Variants in NUP107 observed in about 807,000 individuals in gnomAD.
NUP107 encodes the protein nuclear pore complex protein Nup107.
Under a neutral mutation model 141.0 loss-of-function variants are expected in NUP107, and 101 were observed. The observed-to-expected ratio is 0.72, with a 90% CI of 0.61 to 0.84. The LOEUF is 0.84. Ranked by LOEUF, NUP107 falls within the 40% of genes least tolerant of loss-of-function variation. The probability of loss-of-function intolerance (pLI) is 0.00; values close to 1 mark genes in which losing one functional copy is unlikely to be tolerated. For missense variants in NUP107, 941 were observed against 1,102.7 expected, an observed-to-expected ratio of 0.85 and a Z score of 2.08; for synonymous variants, 319 against 363.9, an observed-to-expected ratio of 0.88 and a Z score of 1.41.
chr12:68,689,652 TAAC>T (rs1218242539), intron 3 of NUP107, 33 bp downstream of exon 3: 5 of 1,298,370 alleles, frequency 3.9e-6, no homozygotes, highest in Non-Finnish European at 5.5e-6. Context: ...CATTTAATAA[TAAC>T]GGTAATTATA....
chr12:68,706,576 G>T, intron 8 of NUP107: 1 of 681,670 alleles, frequency 1.5e-6, no homozygotes, highest in Non-Finnish European at 2.7e-6. Context: ...AACATCAGTC[G>T]GCTCCAGGAT....
At chr12:68,694,850 G>T (rs1875975763) in intron 5 of NUP107, among the ~76,000 whole-genome samples, 2 of 152,156 alleles carry the variant, frequency 1.3e-5, no homozygotes, top group Non-Finnish European at 2.9e-5. Flanking sequence ...GCGGTGAGCT[G>T]AGATCATGCC....
At chr12:68,689,848 G>C in intron 3 of NUP107, 1 of 450,110 alleles carries the variant, frequency 2.2e-6, no homozygotes. Flanking sequence ...TACCAAAACT[G>C]AAAGTGAGAC....
rs1318162181 is a variant in NUP107 at position 68,689,022 on chromosome 12, A to G, written c.69A>G (p.Ala23=). The change falls in exon 2 of 28, where the codon GCA becomes GCG. Residue 23 remains alanine (A), a synonymous_variant. Coordinates refer to ENST00000229179, the MANE Select transcript of NUP107 (RefSeq NM_020401.4). ...GGGAGGCAGAGGTGACACGGACTGCACGGAAACAGAGTGCTCAGAAAAGAG... is the reference window on the plus strand; with the variant it reads ...GGGAGGCAGAGGTGACACGGACTGCGCGGAAACAGAGTGCTCAGAAAAGAG... ...VIREAEVTRT[A]RKQSAQKRVL... 5 of 1,613,622 alleles carry G rather than the reference A, an allele frequency of 3.1e-6. No individual in the cohort carries two copies. Among genetic ancestry groups the G allele is most frequent in the Non-Finnish European group, 4.2e-6 (5 of 1,179,762 alleles).
rs1876394879 is a variant in NUP107, at chr12:68,702,779, G to A, written c.724G>A (p.Val242Ile). 1 of 1,505,900 alleles carries A rather than the reference G, an allele frequency of 6.6e-7. No individual in the cohort carries two copies. The highest frequency in any genetic ancestry group is 2.0e-5 in the Admixed American group (1 of 50,690). The allele number at this position is 1,505,900 out of a possible 1,614,324, so 93.3% of individuals were successfully genotyped here. A position where few individuals can be genotyped will look rare whatever the true frequency, so the allele number is the denominator to read the frequency against. ...ATTAGAAGAGGAAAGTGTATTCGCA[G>A]TTACTGTAAGTTTTATATTAATTTT... Reference protein sequence around the residue: ...SALEEESVFAVTAVNASEKTV... With the variant: ...SALEEESVFAITAVNASEKTV... Residue 242 changes from valine (V) to isoleucine (I), a missense_variant, in exon 8 of 28, where the codon GTT (valine) becomes ATT (isoleucine). Physicochemically the swap from Val to Ile is conservative, Grantham distance 29 (BLOSUM62 3). Transcript: ENST00000229179.
chr12:68,687,091 C>G lies in NUP107; in HGVS notation c.8+18C>G, dbSNP rs1446774182. ...ATGGACAGGTCAGTACTGATGGTGG[C>G]AGCTGAGCCCGAAGTCTTGCCCGTC... is the stretch of plus-strand genomic sequence containing the variant. On this transcript the variant is annotated intron_variant, in intron 1 of 27. Coordinates refer to ENST00000229179, the MANE Select transcript of NUP107 (RefSeq NM_020401.4). The G allele has an allele frequency of 6.2e-7, 1 of 1,613,720 alleles. No individual in the cohort carries two copies. The highest frequency in any genetic ancestry group is 8.5e-7 in the Non-Finnish European group (1 of 1,179,816).
chr12:68,693,864 T>C (rs563994286), intron 5 of NUP107, among the ~76,000 whole-genome samples: 4 of 152,234 alleles, frequency 2.6e-5, no homozygotes, highest in Non-Finnish European at 5.9e-5. Context: ...GGTTTAGTTC[T>C]TAATCTAACA....
Position 68,719,614 on chromosome 12 carries a change from G to C in NUP107, c.1211G>C (p.Arg404Thr). The change falls in exon 14 of 28, where the codon AGA (arginine) becomes ACA (threonine). Residue 404 changes from arginine (R) to threonine (T), a missense_variant. Coordinates refer to ENST00000229179, the MANE Select transcript of NUP107 (RefSeq NM_020401.4). Reference sequence around the variant, plus strand: ...GAACCTGTTGAAGGGAATCCATATAGACGCATTTGGAAAATAAGTTGCTGG... The same window carrying C: ...GAACCTGTTGAAGGGAATCCATATACACGCATTTGGAAAATAAGTTGCTGG... The part of the protein sequence containing the change: ...ELEPVEGNPY[R>T]RIWKISCWRM... 1 of 1,613,098 alleles carries C rather than the reference G, an allele frequency of 6.2e-7. No individual in the cohort carries two copies. The highest frequency in any genetic ancestry group is 2.2e-5 in the East Asian group (1 of 44,844).
intron 5 of NUP107, among the ~76,000 whole-genome samples, chr12:68,692,871 T>C (rs960403801): frequency 2.0e-5 from 3 of 151,344 alleles, no homozygotes; most frequent in Admixed American, 2.0e-4. Flanking sequence ...TGCCTCAGTC[T>C]CCAGAGTAGC....
At chr12:68,734,973 A>C in intron 25 of NUP107, 140 bp downstream of exon 25, 1 of 1,030,624 alleles carries the variant, frequency 9.7e-7, no homozygotes. Context: ...TGGAAGATGC[A>C]ATCTGTTTAG....
intron 20 of NUP107, among the ~76,000 whole-genome samples, chr12:68,730,768 C>A (rs1877788233): frequency 6.6e-6 from 1 of 152,190 alleles, no homozygotes; most frequent in African/African-American, 2.4e-5. Flanking sequence ...AGTTTGAGAC[C>A]AGCCTGGGCA....
intron 7 of NUP107, among the ~76,000 whole-genome samples, chr12:68,701,718 A>G (rs1876339456): frequency 6.6e-6 from 1 of 151,990 alleles, no homozygotes. Flanking sequence ...ATAAATAACC[A>G]TTTGTGTATA....
intron 26 of NUP107, among the ~76,000 whole-genome samples, chr12:68,738,408 G>A (rs540119214): frequency 8.2e-4 from 122 of 148,218 alleles, no homozygotes; most frequent in Non-Finnish European, 1.2e-3. Flanking sequence ...CCAAGATTGC[G>A]CCACTGCACT....
In NUP107 at chr12:68,713,684, A is replaced by G. The variant is rs1876974755; in HGVS notation, c.891-46A>G. On this transcript the variant is annotated intron_variant, in intron 10 of 27. Transcript: ENST00000229179. ...GATTTGATTTTTTAAAAATAGACCT[A>G]TTAAAATTACCTCTTAAAAAATTTG... 3.0e-6 allele frequency: 4 copies of G among 1,329,350 alleles called. No individual in the cohort carries two copies. In the East Asian group the frequency reaches 9.2e-5, roughly 31 times the overall value. 82.3% of individuals were successfully genotyped at this position (1,329,350 alleles called of 1,614,324 possible). A position where few individuals can be genotyped will look rare whatever the true frequency, so the allele number is the denominator to read the frequency against.
chr12:68,715,743 C>T lies in NUP107; in HGVS notation c.1083+3C>T. The T allele has an allele frequency of 1.3e-6, 2 of 1,548,156 alleles. No individual in the cohort carries two copies. Among genetic ancestry groups the T allele is most frequent in the East Asian group, 2.2e-5 (1 of 44,504 alleles). Reference sequence around the variant, plus strand: ...TCCGTGCTGGAATGACAGAAGAGGTCAGTCATGTATACCCTTCTTGTCTAA... The same window carrying T: ...TCCGTGCTGGAATGACAGAAGAGGTTAGTCATGTATACCCTTCTTGTCTAA... On this transcript the variant is annotated splice_donor_region_variant and intron_variant, in intron 12 of 27. Coordinates refer to ENST00000229179, the MANE Select transcript of NUP107 (RefSeq NM_020401.4).
chr12:68,738,646 GT>G (rs1878181603), intron 26 of NUP107, among the ~76,000 whole-genome samples: 1 of 152,108 alleles, frequency 6.6e-6, no homozygotes, highest in South Asian at 2.1e-4. Flanking sequence ...TACCCCTCAA[GT>G]TTTTAAATAA....
At position 68,692,122 on chromosome 12, in the gene NUP107, C is replaced by A; in HGVS notation, c.448+10C>A. On this transcript the variant is annotated intron_variant, in intron 5 of 27. Coordinates refer to ENST00000229179, the MANE Select transcript of NUP107 (RefSeq NM_020401.4). ...GATCCTGGAGAAGCTGGTAAAATGG[C>A]ATTGAGCTTTGTGACAAGTAGCTTT... 1.9e-6 allele frequency: 3 copies of A among 1,566,710 alleles called. No homozygotes were observed. Among genetic ancestry groups the A allele is most frequent in the East Asian group, 2.3e-5 (1 of 43,846 alleles).
intron 12 of NUP107, among the ~76,000 whole-genome samples, chr12:68,716,624 A>G (rs903216357): frequency 4.6e-5 from 7 of 152,318 alleles, no homozygotes; most frequent in African/African-American, 1.2e-4. Context: ...GAAGGCTACA[A>G]TGGCCCTCAA....
chr12:68,730,700 C>T (rs764685452), intron 20 of NUP107, among the ~76,000 whole-genome samples: 2 of 152,334 alleles, frequency 1.3e-5, no homozygotes, highest in Non-Finnish European at 2.9e-5. Flanking sequence ...CACAGGGGCC[C>T]ATGCCTGTAA....
Sources: allele counts gnomAD v4.1 joint callset (sites outside exome capture counted in the v4.1 genomes callset), GRCh38; gene constraint gnomAD v4.1.1; transcripts MANE v1.5; gene names NCBI Gene and HGNC (gene_info 2026-07-23, HGNC 2026-07-21).